KCNIP4: variants seen among roughly 807,000 people sequenced by gnomAD.
KCNIP4 encodes the protein potassium voltage-gated channel interacting protein 4.
Under a neutral mutation model 34.0 loss-of-function variants are expected in KCNIP4, and 12 were observed. The ratio of observed to expected loss-of-function variants is 0.35; its 90% CI spans 0.23 to 0.57. The LOEUF (loss-of-function observed/expected upper bound fraction) is 0.57, where lower values mean the gene tolerates loss of function less well. Ranked by LOEUF, KCNIP4 falls within the 20% of genes least tolerant of loss-of-function variation. KCNIP4 has a pLI of 0.83. For synonymous variants in KCNIP4, 124 were observed against 102.2 expected (o/e 1.21, Z -1.29); for missense variants, 238 against 311.7 (o/e 0.76, Z 1.78).
chr4:20,959,694 C>T (rs1733661528), intron 1 of KCNIP4, among the ~76,000 whole-genome samples: 1 of 152,132 alleles, frequency 6.6e-6, no homozygotes. Context: ...TATGAGGTTT[C>T]TGTTTGTGTA....
intron 1 of KCNIP4, among the ~76,000 whole-genome samples, chr4:21,752,529 C>G (rs1717219170): frequency 6.6e-6 from 1 of 151,986 alleles, no homozygotes; most frequent in Non-Finnish European, 1.5e-5. Context: ...ATTCCAATTC[C>G]AGATGAGATT....
intron 1 of KCNIP4, among the ~76,000 whole-genome samples, chr4:20,984,485 G>C (rs543298880): frequency 6.6e-6 from 1 of 152,174 alleles, no homozygotes; most frequent in South Asian, 2.1e-4. Context: ...GAAACAATCA[G>C]TTCTGGTGGC....
chr4:21,476,130 A>G (rs761143342), intron 1 of KCNIP4, among the ~76,000 whole-genome samples: 2 of 152,202 alleles, frequency 1.3e-5, no homozygotes, highest in Non-Finnish European at 2.9e-5. Context: ...GGTTCACTTC[A>G]GGTGTTTTTA....
intron 1 of KCNIP4, among the ~76,000 whole-genome samples, chr4:21,332,164 C>T (rs1199553772): frequency 4.6e-5 from 7 of 152,022 alleles, no homozygotes; most frequent in Non-Finnish European, 8.8e-5. Context: ...AACTTGATTG[C>T]CCCGTCCTCT....
At chr4:20,882,100 T>G (rs1204262143) in intron 2 of KCNIP4, among the ~76,000 whole-genome samples, 1 of 152,168 alleles carries the variant, frequency 6.6e-6, no homozygotes, top group Non-Finnish European at 1.5e-5. Flanking sequence ...ATTGGTTCTG[T>G]TTTTCTAGAG....
At chr4:21,525,841 G>A (rs966810997) in intron 1 of KCNIP4, among the ~76,000 whole-genome samples, 6 of 152,104 alleles carry the variant, frequency 3.9e-5, no homozygotes, top group Non-Finnish European at 8.8e-5. Flanking sequence ...GAAATCAGCA[G>A]TAATTATTTC....
intron 1 of KCNIP4, among the ~76,000 whole-genome samples, chr4:21,065,485 T>TA (rs1386615983): frequency 1.3e-5 from 2 of 151,982 alleles, no homozygotes; most frequent in South Asian, 2.1e-4. Flanking sequence ...TCTCAAATAC[T>TA]AAAAAAATCA....
At chr4:21,813,167 C>G (rs1447782038) in intron 1 of KCNIP4, among the ~76,000 whole-genome samples, 1 of 152,156 alleles carries the variant, frequency 6.6e-6, no homozygotes, top group Non-Finnish European at 1.5e-5. Context: ...TCATTTATTT[C>G]TACTTTCCCT....
chr4:21,622,251 C>G (rs1745042670), intron 1 of KCNIP4, among the ~76,000 whole-genome samples: 1 of 152,046 alleles, frequency 6.6e-6, no homozygotes, highest in African/African-American at 2.4e-5. Context: ...GACTTTACCC[C>G]CAAGATGTTC....
At chr4:21,803,685 T>C (rs1053539647) in intron 1 of KCNIP4, among the ~76,000 whole-genome samples, 2 of 152,156 alleles carry the variant, frequency 1.3e-5, no homozygotes, top group Non-Finnish European at 2.9e-5. Flanking sequence ...TCCCCTTGTC[T>C]GTCCTTCTTA....
rs528314685 is a variant in KCNIP4, at chr4:21,629,532, T to C, written c.61+319039A>G. Among the ~76,000 whole-genome samples, 51 of 152,314 alleles carry C rather than the reference T, an allele frequency of 3.3e-4. 2 individuals are homozygous for C. The South Asian group carries it at 0.01, about 31-fold the overall frequency. On this transcript the variant is annotated intron_variant, in intron 1 of 8. Coordinates refer to ENST00000382152, the MANE Select transcript of KCNIP4 (RefSeq NM_025221.6). ...TGTTCTTAGACTAAATAAAGAACAG[T>C]AGCTGAAGGATTTGCTATCATATCA...
chr4:21,066,700 A>AC, intron 1 of KCNIP4, among the ~76,000 whole-genome samples: 1 of 152,254 alleles, frequency 6.6e-6, no homozygotes, highest in African/African-American at 2.4e-5. Context: ...ATTTAGACCA[A>AC]CCCTAGCCAG....
chr4:21,747,485 T>C (rs1716852455), intron 1 of KCNIP4, among the ~76,000 whole-genome samples: 1 of 152,150 alleles, frequency 6.6e-6, no homozygotes, highest in Non-Finnish European at 1.5e-5. Flanking sequence ...ATCTCAACTC[T>C]TAGTTCAGTG....
intron 1 of KCNIP4, among the ~76,000 whole-genome samples, chr4:21,661,983 AC>A (rs1232007485): frequency 2.0e-5 from 3 of 152,170 alleles, no homozygotes; most frequent in Non-Finnish European, 2.9e-5. Flanking sequence ...GTAAAGGGTG[AC>A]ACAATGCGAC....
intron 1 of KCNIP4, among the ~76,000 whole-genome samples, chr4:20,975,183 T>C (rs947867106): frequency 3.3e-5 from 5 of 152,214 alleles, no homozygotes; most frequent in African/African-American, 1.2e-4. Context: ...CCACTACTTA[T>C]AGATCTTTTA....
chr4:21,927,335 G>C (rs1053015929), intron 1 of KCNIP4, among the ~76,000 whole-genome samples: 1 of 152,124 alleles, frequency 6.6e-6, no homozygotes, highest in East Asian at 1.9e-4. Flanking sequence ...CCAGGAATAA[G>C]GAATATGGAC....
At chr4:20,735,572 C>T (rs569912268) in intron 5 of KCNIP4, among the ~76,000 whole-genome samples, 3 of 141,864 alleles carry the variant, frequency 2.1e-5, no homozygotes, top group African/African-American at 8.0e-5. Context: ...CACTGTTGCC[C>T]AGGCTGGAGT....
rs115687745 is a variant in KCNIP4 at position 21,312,661 on chromosome 4, C to A, written c.62-429952G>T. Among the ~76,000 whole-genome samples the A allele has an allele frequency of 7.5e-3, 1,149 of 152,302 alleles. 24 individuals are homozygous for A. Among genetic ancestry groups the A allele is most frequent in the African/African-American group, 0.026 (1,078 of 41,568 alleles). ...ACAGATTGGGAATAGACACAAGTTT[C>A]TATTCCATATTTAAAGGGTTTTGTT... On this transcript the variant is annotated intron_variant, in intron 1 of 8. Transcript: ENST00000382152.
chr4:21,455,893 A>G (rs1235686464), intron 1 of KCNIP4, among the ~76,000 whole-genome samples: 1 of 116,500 alleles, frequency 8.6e-6, no homozygotes, highest in Non-Finnish European at 1.6e-5. Flanking sequence ...AACAGTTAGG[A>G]TTTTCCGTAT....
Sources: gnomAD v4.1 joint callset for allele counts (sites outside exome capture counted in the v4.1 genomes callset) on GRCh38, gnomAD v4.1.1 for gene constraint, MANE v1.5 for transcripts, NCBI Gene and HGNC (gene_info 2026-07-23, HGNC 2026-07-21) for gene names.